The following EYS variants were observed in gnomAD, a reference collection of about 807,000 sequenced individuals.
EYS encodes EGF-like photoreceptor maintenance factor.
Under a neutral mutation model 282.1 loss-of-function variants are expected in EYS, and 250 were observed. The ratio of observed to expected loss-of-function variants is 0.89; its 90% CI spans 0.80 to 0.98. The LOEUF (loss-of-function observed/expected upper bound fraction) is 0.98. EYS is among the 50% of genes least tolerant of loss of function. The pLI, the probability that EYS is intolerant of heterozygous loss-of-function variation, is 0.00. For missense variants in EYS, 4,016 were observed against 3,709.0 expected, an observed-to-expected ratio of 1.08 and a Z score of -2.15; for synonymous variants, 1,355 against 1,282.9, an observed-to-expected ratio of 1.06 and a Z score of -1.20.
rs151274976 is a variant in EYS, at chr6:64,164,182, C to A, written c.6424+66410G>T. On this transcript the variant is annotated intron_variant, in intron 31 of 42. Transcript: ENST00000503581. The stretch of plus-strand genomic sequence containing the variant: ...TGGAAAATAACCACTGTTTTCTCCA[C>A]TTTACTTCTTAATTGCTAAAGGGCA... 3.9e-3 allele frequency among the ~76,000 whole-genome samples: 594 copies of A among 152,212 alleles called. 3 individuals are homozygous for A. The highest frequency in any genetic ancestry group is 0.013 in the African/African-American group (556 of 41,574).
chr6:63,900,875 G>T (rs900908800), intron 35 of EYS, among the ~76,000 whole-genome samples: 14 of 152,062 alleles, frequency 9.2e-5, no homozygotes, highest in Admixed American at 7.9e-4. Flanking sequence ...ATAAATTTAG[G>T]CAAGTTTACT....
At chr6:65,404,955 A>G (rs1182550189) in intron 6 of EYS, among the ~76,000 whole-genome samples, 2 of 152,040 alleles carry the variant, frequency 1.3e-5, no homozygotes, top group African/African-American at 2.4e-5. Context: ...TGAAGAGTGT[A>G]CAAATTTATA....
intron 13 of EYS, among the ~76,000 whole-genome samples, chr6:65,003,970 C>T (rs1001935287): frequency 1.4e-5 from 2 of 147,194 alleles, no homozygotes; most frequent in Admixed American, 6.8e-5. Flanking sequence ...ACAGAAAAAT[C>T]CATGTTTCCA....
At chr6:65,278,750 A>G (rs1268991595) in intron 12 of EYS, among the ~76,000 whole-genome samples, 3 of 152,146 alleles carry the variant, frequency 2.0e-5, no homozygotes, top group Admixed American at 2.0e-4. Context: ...AGATGACATG[A>G]GATTGTACAA....
intron 7 of EYS, among the ~76,000 whole-genome samples, chr6:65,390,665 C>G (rs1765992319): frequency 6.6e-6 from 1 of 151,966 alleles, no homozygotes; most frequent in South Asian, 2.1e-4. Flanking sequence ...AGGAGGATCG[C>G]TTGACTCCAA....
chr6:64,425,631 G>A (rs569392461), intron 28 of EYS, among the ~76,000 whole-genome samples: 5 of 132,712 alleles, frequency 3.8e-5, no homozygotes, highest in African/African-American at 1.5e-4. Context: ...TCCAGCCTGG[G>A]CAACAAGAGT....
intron 35 of EYS, among the ~76,000 whole-genome samples, chr6:63,981,995 ATTATCT>A (rs1767122379): frequency 6.6e-6 from 1 of 151,874 alleles, no homozygotes; most frequent in Non-Finnish European, 1.5e-5. Context: ...TGTTAGGAAG[ATTATCT>A]TTATTGTTAT....
At chr6:65,011,882 A>T (rs1308360627) in intron 13 of EYS, among the ~76,000 whole-genome samples, 3 of 152,216 alleles carry the variant, frequency 2.0e-5, no homozygotes, top group Non-Finnish European at 4.4e-5. Flanking sequence ...AAACCCAGGC[A>T]TTCGAGCTGG....
chr6:64,579,478 T>C (rs765699098), intron 26 of EYS, among the ~76,000 whole-genome samples: 6 of 152,126 alleles, frequency 3.9e-5, no homozygotes, highest in Non-Finnish European at 8.8e-5. Context: ...ATGAAGCAGG[T>C]ATTAAATAAA....
At chr6:63,894,068 G>A (rs1422755398) in intron 35 of EYS, among the ~76,000 whole-genome samples, 1 of 152,148 alleles carries the variant, frequency 6.6e-6, no homozygotes, top group East Asian at 1.9e-4. Context: ...TAGAGCCCTT[G>A]CTAAACTGTG....
intron 1 of EYS, among the ~76,000 whole-genome samples, chr6:65,690,138 G>A (rs1299064960): frequency 6.7e-6 from 1 of 150,056 alleles, no homozygotes; most frequent in African/African-American, 2.4e-5. Flanking sequence ...AATATAGTGT[G>A]TGCATCAGTA....
rs571055173 is a variant in EYS, at chr6:64,164,718, C to G, written c.6424+65874G>C. 3.9e-5 allele frequency among the ~76,000 whole-genome samples: 6 copies of G among 152,018 alleles called. No homozygotes were observed. The East Asian group carries it at 1.2e-3, about 29-fold the overall frequency. ...CAGTCCAAGAAACAAGGGCTTTTGC[C>G]GAGGACCTCACTTCAGAAATAAAAT... On this transcript the variant is annotated intron_variant, in intron 31 of 42. Coordinates refer to ENST00000503581, the MANE Select transcript of EYS (RefSeq NM_001142800.2).
At chr6:65,120,690 C>T (rs1186353318) in intron 12 of EYS, among the ~76,000 whole-genome samples, 1 of 152,126 alleles carries the variant, frequency 6.6e-6, no homozygotes, top group African/African-American at 2.4e-5. Flanking sequence ...AAGCCAATAT[C>T]ATCCTCTCTT....
chr6:64,436,793 A>T (rs1245613009), intron 27 of EYS, among the ~76,000 whole-genome samples: 1 of 151,842 alleles, frequency 6.6e-6, no homozygotes, highest in Admixed American at 6.6e-5. Flanking sequence ...AGGAAAAATC[A>T]TGTCTATATC....
At chr6:65,480,769 A>C (rs1765578232) in intron 5 of EYS, among the ~76,000 whole-genome samples, 1 of 152,194 alleles carries the variant, frequency 6.6e-6, no homozygotes, top group Admixed American at 6.5e-5. Context: ...ATGGTATACT[A>C]TTCGGTCATA....
At chr6:65,148,397 C>T (rs1021208383) in intron 12 of EYS, among the ~76,000 whole-genome samples, 1 of 152,088 alleles carries the variant, frequency 6.6e-6, no homozygotes, top group African/African-American at 2.4e-5. Flanking sequence ...AGACATTAAA[C>T]CTTAAAGTTC....
intron 13 of EYS, among the ~76,000 whole-genome samples, chr6:65,052,518 G>A (rs1301119247): frequency 2.0e-5 from 3 of 151,508 alleles, no homozygotes; most frequent in Non-Finnish European, 4.4e-5. Context: ...GTGCTTATTA[G>A]GAATGACTTC....
At chr6:64,315,395 A>T (rs151077427) in intron 29 of EYS, among the ~76,000 whole-genome samples, 2 of 152,182 alleles carry the variant, frequency 1.3e-5, no homozygotes, top group Admixed American at 6.5e-5. Flanking sequence ...AAAAAAAGGG[A>T]AACCTCCCTA....
chr6:64,240,746 T>C (rs1418408590), intron 30 of EYS, among the ~76,000 whole-genome samples: 1 of 152,138 alleles, frequency 6.6e-6, no homozygotes, highest in African/African-American at 2.4e-5. Context: ...CCCTTGTTTC[T>C]TTCTCTTGCC....
Sources: allele counts gnomAD v4.1 joint callset (sites outside exome capture counted in the v4.1 genomes callset), GRCh38; gene constraint gnomAD v4.1.1; transcripts MANE v1.5; gene names NCBI Gene and HGNC (gene_info 2026-07-23, HGNC 2026-07-21).